The following ARHGAP11A variants were observed in gnomAD, a reference collection of about 807,000 sequenced individuals.
ARHGAP11A encodes the protein rho GTPase-activating protein 11A.
A neutral mutation model predicts 60.5 loss-of-function variants in ARHGAP11A; 36 were observed. That is an observed-to-expected ratio of 0.59 (90% CI 0.46 to 0.79). The LOEUF is 0.79. ARHGAP11A is among the 30% of genes least tolerant of loss of function. The probability of loss-of-function intolerance (pLI) is 0.00; values close to 1 mark genes in which losing one functional copy is unlikely to be tolerated. For synonymous variants in ARHGAP11A, 362 were observed against 415.5 expected, an observed-to-expected ratio of 0.87 and a Z score of 1.57; for missense variants, 1,071 against 1,199.2, an observed-to-expected ratio of 0.89 and a Z score of 1.58.
chr15:32,617,187 A>G (rs905605096), intron 1 of ARHGAP11A, among the ~76,000 whole-genome samples: 1 of 152,202 alleles, frequency 6.6e-6, no homozygotes, highest in Non-Finnish European at 1.5e-5. Context: ...AATAAAATTA[A>G]TATACGTTGC....
intron 2 of ARHGAP11A, among the ~76,000 whole-genome samples, chr15:32,623,128 T>TA (rs1230289559): frequency 6.6e-6 from 1 of 150,818 alleles, no homozygotes; most frequent in African/African-American, 2.4e-5. Context: ...AAGAGAGCTA[T>TA]TTCTTTGGAG....
chr15:32,621,692 G>A (rs1283781578), intron 2 of ARHGAP11A, among the ~76,000 whole-genome samples: 1 of 152,310 alleles, frequency 6.6e-6, no homozygotes, highest in African/African-American at 2.4e-5. Context: ...GAGTGTGGTA[G>A]CACGCACCTG....
At chr15:32,618,950 C>A (rs913663579) in intron 1 of ARHGAP11A, among the ~76,000 whole-genome samples, 3 of 151,802 alleles carry the variant, frequency 2.0e-5, no homozygotes, top group Middle Eastern at 3.4e-3. Context: ...GACTCCCTCT[C>A]AAAAAAAATA....
At chr15:32,635,605 A>G (rs1309043573) in intron 10 of ARHGAP11A, among the ~76,000 whole-genome samples, 172 bp from the exon 11 acceptor site, 1 of 152,234 alleles carries the variant, frequency 6.6e-6, no homozygotes, top group East Asian at 1.9e-4. Flanking sequence ...TCAAATGATT[A>G]CAGTTTTCAT....
chr15:32,635,891 G>A lies in ARHGAP11A; in HGVS notation c.1459G>A (p.Val487Ile), dbSNP rs780509883. 91 of 1,609,582 alleles carry A rather than the reference G, an allele frequency of 5.7e-5. No individual in the cohort carries two copies. In the Admixed American group the frequency reaches 1.5e-3, roughly 26 times the overall value. The change falls in exon 11 of 12, where the codon GTT (valine) becomes ATT (isoleucine). Residue 487 changes from valine (V) to isoleucine (I), a missense_variant. Val to Ile is a conservative substitution (Grantham distance 29). Coordinates refer to ENST00000361627, the MANE Select transcript of ARHGAP11A (RefSeq NM_014783.6). ...AACAGGTTTGCTTTTTAGCCCAGAT[G>A]TTGATGAAAAGTTACCAAAGAAAGG... ...VKTGLLFSPD[V>I]DEKLPKKGSE... is the part of the protein sequence containing the mutation.
In ARHGAP11A at chr15:32,639,392, A is replaced by G. The variant is rs1163258615; in HGVS notation, c.*1547A>G. The G allele has an allele frequency of 6.6e-6, 1 of 152,224 alleles. No individual in the cohort carries two copies. Among genetic ancestry groups the G allele is most frequent in the African/African-American group, 2.4e-5 (1 of 41,458 alleles). The allele number at this position is 152,224 out of a possible 1,614,324, so 9.4% of individuals were successfully genotyped here. A position where few individuals can be genotyped will look rare whatever the true frequency, so the allele number is the denominator to read the frequency against. ...TGCTTGGCTAGGTTCTACTTTGTTT[A>G]TTTGATATCAAATAGGTTTGTAGAT... On this transcript the variant is annotated 3_prime_UTR_variant, in exon 12 of 12. Transcript: ENST00000361627.
At chr15:32,630,879 T>A (rs1040663998) in intron 8 of ARHGAP11A, among the ~76,000 whole-genome samples, 1 of 152,108 alleles carries the variant, frequency 6.6e-6, no homozygotes, top group African/African-American at 2.4e-5. Context: ...TTTTTTTTTT[T>A]GAATATATCC....
chr15:32,638,050 A>G lies in ARHGAP11A; in HGVS notation c.*205A>G, dbSNP rs2053766453. On this transcript the variant is annotated 3_prime_UTR_variant, in exon 12 of 12. Transcript: ENST00000361627. ...TTCTTTGTTTTTCTTAATGATGGCAATTTTTAAACTTTAATTTTATTGTGA... is the reference window on the plus strand; with the variant it reads ...TTCTTTGTTTTTCTTAATGATGGCAGTTTTTAAACTTTAATTTTATTGTGA... 1 of 545,170 alleles carries G rather than the reference A, an allele frequency of 1.8e-6. No homozygotes were observed. The highest frequency in any genetic ancestry group is 1.9e-5 in the African/African-American group (1 of 51,628). The allele number at this position is 545,170 out of a possible 1,614,324, so 33.8% of individuals were successfully genotyped here.
chr15:32,620,543 CAT>C (rs1403630445), intron 2 of ARHGAP11A, among the ~76,000 whole-genome samples: 1 of 151,472 alleles, frequency 6.6e-6, no homozygotes, highest in Non-Finnish European at 1.5e-5. Context: ...TTTAATCTCT[CAT>C]AATGTTAAAA....
chr15:32,631,192 A>G (rs2053575281), intron 8 of ARHGAP11A, among the ~76,000 whole-genome samples: 1 of 152,258 alleles, frequency 6.6e-6, no homozygotes, highest in South Asian at 2.1e-4. Flanking sequence ...GCAAAATTGA[A>G]AATAGATTGA....
intron 7 of ARHGAP11A, among the ~76,000 whole-genome samples, chr15:32,629,078 G>A (rs1352874876): frequency 6.6e-6 from 1 of 151,894 alleles, no homozygotes; most frequent in Admixed American, 6.6e-5. Flanking sequence ...ATGCTATTAA[G>A]CGTGTGAAAA....
rs1292293591 is a variant in ARHGAP11A at position 32,625,734 on chromosome 15, C to G, written c.862+101C>G. 14 of 1,237,446 alleles carry G rather than the reference C, an allele frequency of 1.1e-5. No homozygotes were observed. In the East Asian group the frequency reaches 2.6e-4, roughly 23 times the overall value. The allele number at this position is 1,237,446 out of a possible 1,614,324, so 76.7% of individuals were successfully genotyped here. ...AACTGTGGTATGTGCCTTTTTGGTG[C>G]TTAAAGCACAGCTGGAAAGATAGGA... is the stretch of plus-strand genomic sequence containing the variant. On this transcript the variant is annotated intron_variant, in intron 6 of 11. Transcript: ENST00000361627.
chr15:32,634,438 A>G (rs1416979307), intron 10 of ARHGAP11A, among the ~76,000 whole-genome samples: 9 of 152,344 alleles, frequency 5.9e-5, no homozygotes, highest in Admixed American at 2.0e-4. Flanking sequence ...TTCTTTGAAC[A>G]TCATGTCAAA....
chr15:32,623,964 G>A (rs1419122582), intron 3 of ARHGAP11A, among the ~76,000 whole-genome samples: 1 of 151,580 alleles, frequency 6.6e-6, no homozygotes, highest in Admixed American at 6.6e-5. Flanking sequence ...GGAGTTTGAA[G>A]CCAGCCCAGG....
At chr15:32,632,537 A>G (rs140978890) in intron 8 of ARHGAP11A, among the ~76,000 whole-genome samples, 2,734 of 152,278 alleles carry the variant, frequency 0.018, 96 homozygotes, top group African/African-American at 0.063. Context: ...TAATACCATT[A>G]ATTGGTATTA....
chr15:32,618,812 T>C (rs1035629706), intron 1 of ARHGAP11A, among the ~76,000 whole-genome samples: 2 of 125,770 alleles, frequency 1.6e-5, no homozygotes, highest in Admixed American at 1.9e-4. Context: ...ATTAGCCAGG[T>C]GTGGTGGCGG....
At position 32,639,708 on chromosome 15, in the gene ARHGAP11A, G is replaced by A. The variant is rs938705097; in HGVS notation, c.*1863G>A. 9 of 152,178 alleles carry A rather than the reference G, an allele frequency of 5.9e-5. No individual in the cohort carries two copies. Among genetic ancestry groups the A allele is most frequent in the Non-Finnish European group, 7.3e-5 (5 of 68,036 alleles). The allele number at this position is 152,178 out of a possible 1,614,324, so 9.4% of individuals were successfully genotyped here. On this transcript the variant is annotated 3_prime_UTR_variant, in exon 12 of 12. Transcript: ENST00000361627. ...TTTTGTTAGCTGAAAGCTGCTATAC[G>A]GAGTATTACAGGAATGTGAAGGTGA...
rs1012307928 is a variant in ARHGAP11A at position 32,627,456 on chromosome 15, G to A, written c.863-1272G>A. Among the ~76,000 whole-genome samples, 11 of 152,102 alleles carry A rather than the reference G, an allele frequency of 7.2e-5. No individual in the cohort carries two copies. The East Asian group carries it at 1.2e-3, about 16-fold the overall frequency. The stretch of plus-strand genomic sequence containing the variant: ...ACTGTAAGAATCTTCTTGGCCGGGC[G>A]CGATGGCTCACGCCTGTAATTCCAG... On this transcript the variant is annotated intron_variant, in intron 6 of 11. Transcript: ENST00000361627.
intron 6 of ARHGAP11A, among the ~76,000 whole-genome samples, chr15:32,628,242 TCTA>T (rs2053511128): frequency 6.6e-6 from 1 of 152,264 alleles, no homozygotes; most frequent in Non-Finnish European, 1.5e-5. Context: ...AGCATACCTG[TCTA>T]CTATTTCCTG....
Sources: allele counts gnomAD v4.1 joint callset (sites outside exome capture counted in the v4.1 genomes callset), GRCh38; gene constraint gnomAD v4.1.1; transcripts MANE v1.5; gene names NCBI Gene and HGNC (gene_info 2026-07-23, HGNC 2026-07-21).